PPP1R21: variants seen among roughly 807,000 people sequenced by gnomAD.
The protein encoded by PPP1R21 is protein phosphatase 1 regulatory subunit 21, also known as KLRAQ motif containing 1.
In PPP1R21, 85 loss-of-function variants were observed where a neutral mutation model predicts 112.8. That is an observed-to-expected ratio of 0.75 (90% CI 0.63 to 0.90). PPP1R21 has a LOEUF of 0.90. Among genes scored for constraint, PPP1R21 ranks in the 40% least tolerant of loss-of-function variants. PPP1R21 has a pLI of 0.00. For synonymous variants in PPP1R21, 381 were observed against 322.3 expected, an observed-to-expected ratio of 1.18 and a Z score of -1.95; for missense variants, 1,199 against 901.5, an observed-to-expected ratio of 1.33 and a Z score of -4.23.
rs530441264 is a variant in PPP1R21, at chr2:48,452,757, A to G, written c.126+1681A>G. On this transcript the variant is annotated intron_variant, in intron 2 of 21. Transcript: ENST00000294952. Reference sequence around the variant, plus strand: ...GAATTTTTAAAATTTGAAAGACATGATAGTTTGGACATGGGCTAGGCCTAA... The same window carrying G: ...GAATTTTTAAAATTTGAAAGACATGGTAGTTTGGACATGGGCTAGGCCTAA... 2.6e-5 allele frequency among the ~76,000 whole-genome samples: 4 copies of G among 152,126 alleles called. 1 individual carries two copies. Among genetic ancestry groups the G allele is most frequent in the African/African-American group, 9.6e-5 (4 of 41,522 alleles).
intron 11 of PPP1R21, among the ~76,000 whole-genome samples, chr2:48,472,327 T>C (rs1307496303): frequency 1.3e-5 from 2 of 150,304 alleles, no homozygotes; most frequent in Admixed American, 1.3e-4. Flanking sequence ...AAATAAAATT[T>C]AGAAAATAAG....
chr2:48,510,941 T>TTGTTCTC (rs1358939797), intron 20 of PPP1R21, among the ~76,000 whole-genome samples: 3 of 152,262 alleles, frequency 2.0e-5, no homozygotes, highest in Non-Finnish European at 4.4e-5. Flanking sequence ...TGCCATTTCT[T>TTGTTCTC]TTAACTTTGT....
intron 13 of PPP1R21, among the ~76,000 whole-genome samples, chr2:48,483,265 TTTCCCTC>T (rs1669116182): frequency 1.6e-5 from 2 of 123,576 alleles, no homozygotes; most frequent in Non-Finnish European, 3.2e-5. Flanking sequence ...CAGTGCAACC[TTTCCCTC>T]CCAGGTTCAA....
Position 48,491,207 on chromosome 2 carries a change from A to G in PPP1R21, c.1599+37A>G, listed in dbSNP as rs371600368. On this transcript the variant is annotated intron_variant, in intron 15 of 21. Transcript: ENST00000294952. ...GCTGTTAATATTTAAATCAGAGGAA[A>G]CATCAGGAGTCATTCTAGAGAATGG... 3.8e-6 allele frequency: 6 copies of G among 1,591,204 alleles called. No individual in the cohort carries two copies. The African/African-American group carries it at 6.8e-5, about 18-fold the overall frequency.
At chr2:48,484,924 T>G (rs190752005) in intron 13 of PPP1R21, among the ~76,000 whole-genome samples, 91 of 152,360 alleles carry the variant, frequency 6.0e-4, no homozygotes, top group Non-Finnish European at 1.0e-3. Flanking sequence ...CCAAGATTGC[T>G]TACCAACCAA....
intron 1 of PPP1R21, among the ~76,000 whole-genome samples, chr2:48,447,122 T>G (rs568338908): frequency 1.3e-5 from 2 of 152,266 alleles, no homozygotes; most frequent in East Asian, 3.9e-4. Flanking sequence ...ACTGAATAGT[T>G]TAATTTTAAA....
intron 17 of PPP1R21, among the ~76,000 whole-genome samples, chr2:48,503,827 C>T (rs1293545319): frequency 6.6e-6 from 1 of 151,584 alleles, no homozygotes; most frequent in Non-Finnish European, 1.5e-5. Context: ...GTGGTGGGCA[C>T]CTGTAATCCC....
Position 48,491,132 on chromosome 2 carries a change from A to G in PPP1R21, c.1561A>G (p.Lys521Glu). The G allele has an allele frequency of 6.2e-7, 1 of 1,614,006 alleles. No homozygotes were observed. Among genetic ancestry groups the G allele is most frequent in the Non-Finnish European group, 8.5e-7 (1 of 1,179,988 alleles). The change falls in exon 15 of 22, where the codon AAG (lysine) becomes GAG (glutamate). Residue 521 changes from lysine to glutamate, a missense_variant. Transcript: ENST00000294952. ...TTCAGCTGAATGCATGCTACAGTATAAGAAAAAAGCTGCTGCCTATATGAA... is the reference window on the plus strand; with the variant it reads ...TTCAGCTGAATGCATGCTACAGTATGAGAAAAAAGCTGCTGCCTATATGAA... The part of the protein sequence containing the change: ...PLSAECMLQY[K>E]KKAAAYMKSL...
At chr2:48,485,013 C>A (rs1669215172) in intron 13 of PPP1R21, among the ~76,000 whole-genome samples, 1 of 61,470 alleles carries the variant, frequency 1.6e-5, no homozygotes, top group African/African-American at 6.5e-5. Context: ...AAGAAAATGT[C>A]TGTTAGGGAT....
At position 48,515,140 on chromosome 2, in the gene PPP1R21, A is replaced by T. The variant is rs893061120; in HGVS notation, c.*396A>T. On this transcript the variant is annotated 3_prime_UTR_variant, in exon 22 of 22. Coordinates refer to ENST00000294952, the MANE Select transcript of PPP1R21 (RefSeq NM_001135629.3). ...TATATGTTTCTGGAAAAAAATGCTT[A>T]AATTGTCAAACTGTCATTACTTCTT... 6.0e-6 allele frequency: 1 copy of T among 165,684 alleles called. No homozygotes were observed. The highest frequency in any genetic ancestry group is 2.4e-5 in the African/African-American group (1 of 41,838). The allele number at this position is 165,684 out of a possible 1,614,324, so 10.3% of individuals were successfully genotyped here.
At chr2:48,477,667 C>CT (rs545161997) in intron 12 of PPP1R21, among the ~76,000 whole-genome samples, 24,036 of 139,608 alleles carry the variant, frequency 0.17, 2,521 homozygotes, top group East Asian at 0.48. Context: ...AGCCCTCCTA[C>CT]TTTTTTTTTT....
rs778262562 is a variant in PPP1R21, at chr2:48,479,974, A to G, written c.1276A>G (p.Asn426Asp). The G allele has an allele frequency of 1.9e-6, 3 of 1,613,422 alleles. No homozygotes were observed. The highest frequency in any genetic ancestry group is 1.3e-5 in the African/African-American group (1 of 74,894). The change falls in exon 13 of 22, where the codon AAT becomes GAT. Residue 426 changes from asparagine (N) to aspartate (D), a missense_variant. By Grantham distance (23) the Asn-to-Asp change is conservative (BLOSUM62 1). Transcript: ENST00000294952. ...GACAAACTACAGTTCTGTGTTAACA[A>G]ATGTTGGTGCTGCTCTGCATGGATT... Reference protein sequence around the residue: ...LRTNYSSVLTNVGAALHGFHD... With the variant: ...LRTNYSSVLTDVGAALHGFHD...
Position 48,474,743 on chromosome 2 carries a change from G to A in PPP1R21, c.1149G>A (p.Glu383=), listed in dbSNP as rs1376351105. 8 of 1,613,392 alleles carry A rather than the reference G, an allele frequency of 5.0e-6. No homozygotes were observed. The highest frequency in any genetic ancestry group is 1.7e-5 in the Admixed American group (1 of 59,942). ...CTGCGTTAAGAGCCAGGAATCTAGA[G>A]CTGTCCCAGGACATGAAAAAAATGA... The part of the protein sequence containing the change: ...CTSALRARNL[E]LSQDMKKMTA... Residue 383 remains glutamate (E), a synonymous_variant, in exon 12 of 22, where the codon GAG becomes GAA. Coordinates refer to ENST00000294952, the MANE Select transcript of PPP1R21 (RefSeq NM_001135629.3).
At chr2:48,491,211 C>A (rs532146628) in intron 15 of PPP1R21, 41 bp downstream of exon 15, 2 of 1,588,386 alleles carry the variant, frequency 1.3e-6, no homozygotes, top group Admixed American at 3.6e-5. Context: ...GAGGAAACAT[C>A]AGGAGTCATT....
intron 1 of PPP1R21, among the ~76,000 whole-genome samples, chr2:48,448,330 G>GTTTCATTTTAAAAAGTTAAAAGTTAA (rs1667336789): frequency 6.6e-6 from 1 of 152,178 alleles, no homozygotes; most frequent in South Asian, 2.1e-4. Context: ...GCAATAGCTT[G>GTTTCATTTTAAAAAGTTAAAAGTTAA]AAAGTTTCAT....
At chr2:48,496,336 C>T (rs1202433182) in intron 16 of PPP1R21, among the ~76,000 whole-genome samples, 1 of 152,198 alleles carries the variant, frequency 6.6e-6, no homozygotes, top group African/African-American at 2.4e-5. Context: ...TTGCCTAGGG[C>T]AGGACTCTAA....
chr2:48,496,508 C>T (rs980606569), intron 16 of PPP1R21, among the ~76,000 whole-genome samples: 37 of 150,870 alleles, frequency 2.5e-4, no homozygotes, highest in African/African-American at 9.0e-4. Flanking sequence ...CACTGTGTCA[C>T]CTAGGCTGGA....
chr2:48,503,873 A>C (rs1670244468), intron 17 of PPP1R21, among the ~76,000 whole-genome samples: 2 of 151,704 alleles, frequency 1.3e-5, no homozygotes, highest in Non-Finnish European at 1.5e-5. Context: ...GAATTGCTTG[A>C]ACCCAGGAGG....
At chr2:48,477,958 T>G (rs779451537) in intron 12 of PPP1R21, among the ~76,000 whole-genome samples, 2 of 152,204 alleles carry the variant, frequency 1.3e-5, no homozygotes, top group Non-Finnish European at 2.9e-5. Flanking sequence ...AAGAGAGTCC[T>G]AAATCCAATG....
Sources: gnomAD v4.1 joint callset for allele counts (sites outside exome capture counted in the v4.1 genomes callset) on GRCh38, gnomAD v4.1.1 for gene constraint, MANE v1.5 for transcripts, NCBI Gene and HGNC (gene_info 2026-07-23, HGNC 2026-07-21) for gene names.